Variants in CHD7 observed in about 807,000 individuals in gnomAD.
CHD7 encodes ATP-dependent chromatin remodeler CHD7.
Under a neutral mutation model 307.3 loss-of-function variants are expected in CHD7, and 24 were observed. The observed-to-expected ratio is 0.08, with a 90% CI of 0.06 to 0.11. The LOEUF is 0.11. CHD7 is among the 10% of genes least tolerant of loss of function. The pLI is 1.00. For synonymous variants in CHD7, 1,363 were observed against 1,349.9 expected, an observed-to-expected ratio of 1.01 and a Z score of -0.21; for missense variants, 3,106 against 3,727.1, an observed-to-expected ratio of 0.83 and a Z score of 4.34.
intron 1 of CHD7, among the ~76,000 whole-genome samples, chr8:60,721,750 A>G (rs1166257592): frequency 6.6e-6 from 1 of 152,326 alleles, no homozygotes; most frequent in East Asian, 1.9e-4. Flanking sequence ...ACTGGTTTAG[A>G]TGGTGTGTCG....
At chr8:60,813,667 C>T (rs1392991143) in intron 7 of CHD7, among the ~76,000 whole-genome samples, 1 of 151,892 alleles carries the variant, frequency 6.6e-6, no homozygotes, top group East Asian at 1.9e-4. Context: ...GATTTTTCTC[C>T]TTAGATATAT....
At chr8:60,811,215 C>T (rs923429776) in intron 7 of CHD7, among the ~76,000 whole-genome samples, 2 of 152,142 alleles carry the variant, frequency 1.3e-5, no homozygotes, top group African/African-American at 4.8e-5. Flanking sequence ...TCCCTTTTAG[C>T]CCCCGCTTGT....
chr8:60,710,040 C>G (rs1807203932), intron 1 of CHD7, among the ~76,000 whole-genome samples: 1 of 150,494 alleles, frequency 6.6e-6, no homozygotes, highest in Non-Finnish European at 1.5e-5. Context: ...TACAAAAATC[C>G]ACTCCATTTT....
intron 2 of CHD7, among the ~76,000 whole-genome samples, chr8:60,768,818 A>G (rs538288363): frequency 2.4e-5 from 3 of 125,576 alleles, no homozygotes; most frequent in Non-Finnish European, 5.0e-5. Context: ...TTTGAATAAT[A>G]ACGTTAAGCT....
At chr8:60,841,372 G>C (rs1170804542) in intron 19 of CHD7, among the ~76,000 whole-genome samples, 1 of 152,228 alleles carries the variant, frequency 6.6e-6, no homozygotes, top group Non-Finnish European at 1.5e-5. Flanking sequence ...GCCTGAACCA[G>C]GTTAGGGGCC....
Position 60,862,576 on chromosome 8 carries a change from A to G in CHD7, c.8000A>G (p.Lys2667Arg). ...GGTGGAGCTATGGCGCCTCCAATGAAGGATCTACCCAGGTGGCTGGAAGAA... is the reference window on the plus strand; with the variant it reads ...GGTGGAGCTATGGCGCCTCCAATGAGGGATCTACCCAGGTGGCTGGAAGAA... ...KMGGAMAPPM[K>R]DLPRWLEENP... The change falls in exon 37 of 38, where the codon AAG becomes AGG. Residue 2667 changes from lysine (K) to arginine (R), a missense_variant. This residue lies in a region of CHD7 where 59 missense variants were observed against 106.2 expected (regional missense o/e 0.56). Transcript: ENST00000423902. 1.3e-6 allele frequency: 2 copies of G among 1,577,938 alleles called. No homozygotes were observed. The highest frequency in any genetic ancestry group is 1.7e-4 in the Middle Eastern group (1 of 6,012).
intron 2 of CHD7, among the ~76,000 whole-genome samples, chr8:60,756,305 G>A (rs2150607367): frequency 6.6e-6 from 1 of 152,296 alleles, no homozygotes; most frequent in Non-Finnish European, 1.5e-5. Flanking sequence ...CTTTGGCCTT[G>A]TGATGTAGTG....
chr8:60,784,785 T>C (rs1396950472), intron 3 of CHD7, among the ~76,000 whole-genome samples: 1 of 152,092 alleles, frequency 6.6e-6, no homozygotes, highest in Non-Finnish European at 1.5e-5. Context: ...AACTGTTACA[T>C]AGAGTGATGG....
At chr8:60,834,117 T>C (rs542293506) in intron 15 of CHD7, among the ~76,000 whole-genome samples, 1 of 152,232 alleles carries the variant, frequency 6.6e-6, no homozygotes, top group Non-Finnish European at 1.5e-5. Flanking sequence ...AAATTATTTT[T>C]TTAATCTCTG....
At chr8:60,683,928 G>A (rs1295346505) in intron 1 of CHD7, among the ~76,000 whole-genome samples, 3 of 150,188 alleles carry the variant, frequency 2.0e-5, no homozygotes, top group Non-Finnish European at 4.4e-5. Context: ...TTTTAACTAT[G>A]ATTATCCATT....
chr8:60,823,084 A>C (rs1804116084), intron 12 of CHD7, among the ~76,000 whole-genome samples: 2 of 152,236 alleles, frequency 1.3e-5, no homozygotes, highest in South Asian at 4.1e-4. Flanking sequence ...ATTAAATGTG[A>C]ATAGAAAGAA....
chr8:60,836,381 G>A, intron 16 of CHD7, 98 bp downstream of exon 16: 2 of 934,886 alleles, frequency 2.1e-6, no homozygotes, highest in Non-Finnish European at 3.2e-6. Flanking sequence ...TGATAAAGGG[G>A]CTAGAATGGG....
At chr8:60,685,524 C>G (rs1278026090) in intron 1 of CHD7, among the ~76,000 whole-genome samples, 1 of 152,134 alleles carries the variant, frequency 6.6e-6, no homozygotes, top group Admixed American at 6.6e-5. Context: ...ACGTGGGTGG[C>G]AGGTCCCCCA....
At chr8:60,848,262 C>T (rs778978925) in intron 23 of CHD7, among the ~76,000 whole-genome samples, 3 of 152,178 alleles carry the variant, frequency 2.0e-5, no homozygotes, top group Non-Finnish European at 2.9e-5. Flanking sequence ...AAATGAAGTG[C>T]GCCTGGGCTG....
chr8:60,718,471 T>C (rs1183962295), intron 1 of CHD7, among the ~76,000 whole-genome samples: 1 of 149,808 alleles, frequency 6.7e-6, no homozygotes, highest in Non-Finnish European at 1.5e-5. Flanking sequence ...TGAGACTCCA[T>C]CTCAAAAGAA....
chr8:60,851,087 T>G lies in CHD7; in HGVS notation c.5590T>G (p.Phe1864Val). The change falls in exon 27 of 38, where the codon TTC (phenylalanine) becomes GTC (valine). Residue 1864 changes from phenylalanine (F) to valine (V), a missense_variant. Phe to Val is a conservative substitution (Grantham distance 50). Transcript: ENST00000423902. Reference protein sequence around the residue: ...DPEYKPTRTPFKDEIDEFANS... With the variant: ...DPEYKPTRTPVKDEIDEFANS... ...AGAATATAAACCAACCAGAACACCGTTCAAAGATGAAATAGATGTATGAAC... is the reference window on the plus strand; with the variant it reads ...AGAATATAAACCAACCAGAACACCGGTCAAAGATGAAATAGATGTATGAAC... 1 of 1,571,542 alleles carries G rather than the reference T, an allele frequency of 6.4e-7. No homozygotes were observed. The highest frequency in any genetic ancestry group is 8.6e-7 in the Non-Finnish European group (1 of 1,156,966).
At chr8:60,786,532 G>C (rs1811499319) in intron 3 of CHD7, among the ~76,000 whole-genome samples, 1 of 152,130 alleles carries the variant, frequency 6.6e-6, no homozygotes, top group Non-Finnish European at 1.5e-5. Context: ...GGGAGAAGGT[G>C]GTGTAGATCC....
At chr8:60,714,087 C>T (rs1442875094) in intron 1 of CHD7, among the ~76,000 whole-genome samples, 4 of 143,816 alleles carry the variant, frequency 2.8e-5, no homozygotes, top group Non-Finnish European at 4.6e-5. Context: ...AGCCAGGCCT[C>T]GGCGGGCGGG....
Position 60,820,019 on chromosome 8 carries a change from C to G in CHD7, c.2626C>G (p.Leu876Val). 6.3e-7 allele frequency: 1 copy of G among 1,587,358 alleles called. No homozygotes were observed. The highest frequency in any genetic ancestry group is 8.6e-7 in the Non-Finnish European group (1 of 1,166,402). Residue 876 changes from leucine (L) to valine (V), a missense_variant, in exon 9 of 38, where the codon CTT (leucine) becomes GTT (valine). Around this residue, in one of 10 missense-constraint regions of CHD7, gnomAD observed 188 missense variants for 261.7 expected, o/e 0.72. Coordinates refer to ENST00000423902, the MANE Select transcript of CHD7 (RefSeq NM_017780.4). ...NKFLSEIEDE[L>V]FNPDYVEVDR... Reference sequence around the variant, plus strand: ...CCCTTTGGTGTAGATTGAGGATGAGCTTTTTAATCCAGATTATGTGGAGGT... The same window carrying G: ...CCCTTTGGTGTAGATTGAGGATGAGGTTTTTAATCCAGATTATGTGGAGGT...
Sources: gnomAD v4.1 joint callset for allele counts (sites outside exome capture counted in the v4.1 genomes callset) on GRCh38, gnomAD v4.1.1 for gene constraint, gnomAD v4.1.1 regional missense constraint, MANE v1.5 for transcripts, NCBI Gene and HGNC (gene_info 2026-07-23, HGNC 2026-07-21) for gene names.